NRXN1: variants seen among roughly 807,000 people sequenced by gnomAD.
NRXN1 encodes neurexin-1.
In NRXN1, 39 loss-of-function variants were observed where a neutral mutation model predicts 150.9. The ratio of observed to expected loss-of-function variants is 0.26; its 90% CI spans 0.20 to 0.34. NRXN1 has a LOEUF of 0.34. NRXN1 is among the 10% of genes least tolerant of loss of function. NRXN1 has a pLI of 1.00. For synonymous variants in NRXN1, 924 were observed against 757.0 expected (o/e 1.22, Z -3.62); for missense variants, 1,815 against 1,949.9 (o/e 0.93, Z 1.30).
At chr2:50,443,193 T>C (rs1420074334) in intron 17 of NRXN1, among the ~76,000 whole-genome samples, 4 of 152,124 alleles carry the variant, frequency 2.6e-5, no homozygotes, top group African/African-American at 9.7e-5. Context: ...GTACAATCCA[T>C]TAAATAATAT....
rs201619938 is a variant in NRXN1 at position 49,956,830 on chromosome 2, TA to T, written c.4129-13040del. On this transcript the variant is annotated intron_variant, in intron 21 of 22. Transcript: ENST00000401669. ...GGTGCCCTGTATATAACTGTTGATT[TA>T]ATTTGAGATATCATGAGCCCTGACA... Among the ~76,000 whole-genome samples, 275 of 152,294 alleles carry T rather than the reference TA, an allele frequency of 1.8e-3. 1 individual carries two copies. Among genetic ancestry groups the T allele is most frequent in the African/African-American group, 6.3e-3 (264 of 41,578 alleles).
chr2:50,322,676 AT>A (rs1228903978), intron 17 of NRXN1, among the ~76,000 whole-genome samples: 1 of 152,148 alleles, frequency 6.6e-6, no homozygotes, highest in African/African-American at 2.4e-5. Flanking sequence ...ATGTTATTTT[AT>A]TTTCCCATTA....
At chr2:50,206,952 C>T (rs752061371) in intron 18 of NRXN1, among the ~76,000 whole-genome samples, 4 of 151,418 alleles carry the variant, frequency 2.6e-5, no homozygotes, top group Non-Finnish European at 5.9e-5. Flanking sequence ...AATCTGAGTA[C>T]TGCCCATTTT....
intron 17 of NRXN1, among the ~76,000 whole-genome samples, chr2:50,253,237 T>C (rs926606704): frequency 2.0e-4 from 31 of 152,038 alleles, no homozygotes; most frequent in African/African-American, 6.5e-4. Flanking sequence ...TATAGGAATG[T>C]TTCTGATTTC....
chr2:50,984,452 A>G (rs1199495247), intron 2 of NRXN1, among the ~76,000 whole-genome samples: 1 of 152,020 alleles, frequency 6.6e-6, no homozygotes, highest in African/African-American at 2.4e-5. Flanking sequence ...AAGTTTGCCA[A>G]TCTCCATTTT....
chr2:50,506,138 TG>T (rs1432504098), intron 13 of NRXN1, among the ~76,000 whole-genome samples: 1 of 152,140 alleles, frequency 6.6e-6, no homozygotes, highest in African/African-American at 2.4e-5. Flanking sequence ...AACTTGCAGT[TG>T]TTCATTGCCA....
rs1346645241 is a variant in NRXN1, at chr2:50,818,478, A to C, written c.832+103391T>G. Among the ~76,000 whole-genome samples the C allele has an allele frequency of 2.0e-5, 3 of 151,942 alleles. No individual in the cohort carries two copies. The East Asian group carries it at 5.8e-4, about 29-fold the overall frequency. ...TTTTATTTTTTTATTGTATATATCC[A>C]TATGCAAAAGATTGAAACTGGATCC... is the stretch of plus-strand genomic sequence containing the variant. On this transcript the variant is annotated intron_variant, in intron 5 of 22. Coordinates refer to ENST00000401669, the MANE Select transcript of NRXN1 (RefSeq NM_001330078.2).
At chr2:50,968,563 T>C (rs1694495607) in intron 2 of NRXN1, among the ~76,000 whole-genome samples, 1 of 152,114 alleles carries the variant, frequency 6.6e-6, no homozygotes, top group South Asian at 2.1e-4. Context: ...GACTCAATAA[T>C]TTTGTTTCTG....
At chr2:50,623,636 C>A (rs201902998) in intron 5 of NRXN1, 21 bp from the exon 6 acceptor site, 11 of 1,565,078 alleles carry the variant, frequency 7.0e-6, no homozygotes, top group Non-Finnish European at 7.9e-6. Context: ...ACAGATGATA[C>A]ATACATAAGT....
At chr2:50,495,380 G>GGT (rs1157611088) in intron 15 of NRXN1, among the ~76,000 whole-genome samples, 1,837 of 17,708 alleles carry the variant, frequency 0.1, 45 homozygotes, top group Admixed American at 0.28. Context: ...GTGTGTGTGT[G>GGT]GTGTGTGTGT....
intron 17 of NRXN1, among the ~76,000 whole-genome samples, chr2:50,382,517 A>G (rs1558637037): frequency 6.6e-6 from 1 of 152,196 alleles, no homozygotes; most frequent in Non-Finnish European, 1.5e-5. Flanking sequence ...ATAGGGAAAC[A>G]AAGAGGAAAC....
chr2:50,225,366 G>C (rs2152863426), intron 18 of NRXN1, among the ~76,000 whole-genome samples: 1 of 152,074 alleles, frequency 6.6e-6, no homozygotes, highest in South Asian at 2.1e-4. Context: ...CACCATGCTA[G>C]AGTATGAAAA....
At chr2:50,321,850 T>C (rs541304875) in intron 17 of NRXN1, among the ~76,000 whole-genome samples, 13 of 152,256 alleles carry the variant, frequency 8.5e-5, no homozygotes, top group African/African-American at 2.9e-4. Flanking sequence ...CTAGTATCTA[T>C]GAAAATACTT....
At chr2:50,840,084 T>C (rs900176649) in intron 5 of NRXN1, among the ~76,000 whole-genome samples, 5 of 152,156 alleles carry the variant, frequency 3.3e-5, no homozygotes, top group African/African-American at 9.7e-5. Context: ...AGTTTAACTA[T>C]TAATAACTCC....
At chr2:49,954,327 A>G (rs1674537752) in intron 21 of NRXN1, among the ~76,000 whole-genome samples, 1 of 152,050 alleles carries the variant, frequency 6.6e-6, no homozygotes, top group South Asian at 2.1e-4. Flanking sequence ...GGTAGCACCA[A>G]TCTATGTCTG....
rs1668047771 is a variant in NRXN1, at chr2:49,920,731, TGTGTG to T, written c.*1208_*1212del. ...GTGTGTGTGTGTGTGTGTGTGTGTG[TGTGTG>T]TGTGTGTGAAAATAGTGAATGTATG... On this transcript the variant is annotated 3_prime_UTR_variant, in exon 23 of 23. Transcript: ENST00000401669. 3 of 146,500 alleles carry T rather than the reference TGTGTG, an allele frequency of 2.0e-5. No individual in the cohort carries two copies. Among genetic ancestry groups the T allele is most frequent in the Non-Finnish European group, 4.5e-5 (3 of 67,050 alleles). 9.1% of individuals were successfully genotyped at this position (146,500 alleles called of 1,614,324 possible).
intron 8 of NRXN1, among the ~76,000 whole-genome samples, chr2:50,570,053 C>T (rs1670428211): frequency 6.6e-6 from 1 of 152,052 alleles, no homozygotes; most frequent in Non-Finnish European, 1.5e-5. Flanking sequence ...TGGTTTACTA[C>T]TAAATTAAAG....
chr2:50,724,347 CT>C (rs1697050406), intron 5 of NRXN1, among the ~76,000 whole-genome samples: 1 of 152,038 alleles, frequency 6.6e-6, no homozygotes, highest in Non-Finnish European at 1.5e-5. Flanking sequence ...GAGAAGGAAC[CT>C]TTAGAAATAG....
intron 18 of NRXN1, among the ~76,000 whole-genome samples, chr2:50,093,534 C>A (rs1699851430): frequency 6.6e-6 from 1 of 151,516 alleles, no homozygotes; most frequent in East Asian, 1.9e-4. Flanking sequence ...ACTCAGGAGG[C>A]TGAGGTGGGA....
Sources: allele counts gnomAD v4.1 joint callset (sites outside exome capture counted in the v4.1 genomes callset), GRCh38; gene constraint gnomAD v4.1.1; transcripts MANE v1.5; gene names NCBI Gene and HGNC (gene_info 2026-07-23, HGNC 2026-07-21).